Variants in AHCYL2 observed in about 807,000 individuals in gnomAD.
AHCYL2 encodes adenosylhomocysteinase like 2.
AHCYL2 carries 28 observed loss-of-function variants against 81.4 expected under a neutral mutation model. That is an observed-to-expected ratio of 0.34 (90% CI 0.25 to 0.47). The LOEUF (loss-of-function observed/expected upper bound fraction) is 0.47, where lower values mean the gene tolerates loss of function less well. Ranked by LOEUF, AHCYL2 falls within the 20% of genes least tolerant of loss-of-function variation. AHCYL2 has a pLI of 1.00. For synonymous variants in AHCYL2, 272 were observed against 290.2 expected (o/e 0.94, Z 0.64); for missense variants, 551 against 785.1 (o/e 0.70, Z 3.56).
At chr7:129,354,262 G>A (rs548214113) in intron 1 of AHCYL2, among the ~76,000 whole-genome samples, 62 of 152,262 alleles carry the variant, frequency 4.1e-4, no homozygotes, top group African/African-American at 1.0e-3. Flanking sequence ...AAAACAGGAG[G>A]GAGATAGGAG....
chr7:129,414,777 T>A (rs1183225856), intron 12 of AHCYL2, among the ~76,000 whole-genome samples: 1 of 152,164 alleles, frequency 6.6e-6, no homozygotes, highest in Non-Finnish European at 1.5e-5. Context: ...ACTTTTACTC[T>A]GGTTTTAAAT....
chr7:129,394,364 T>C (rs1795612911), intron 4 of AHCYL2, among the ~76,000 whole-genome samples: 1 of 151,712 alleles, frequency 6.6e-6, no homozygotes, highest in Non-Finnish European at 1.5e-5. Context: ...TGTCCTTGGA[T>C]GTGCCCGGTC....
chr7:129,310,118 T>C (rs1797600506), intron 1 of AHCYL2, among the ~76,000 whole-genome samples: 1 of 152,152 alleles, frequency 6.6e-6, no homozygotes. Context: ...CTCATCCACC[T>C]CCTTGGTGAC....
intron 1 of AHCYL2, among the ~76,000 whole-genome samples, chr7:129,245,156 C>G (rs117363487): frequency 0.013 from 2,007 of 151,948 alleles, 24 homozygotes; most frequent in Non-Finnish European, 0.021. Flanking sequence ...TCCCGAGTAC[C>G]TGGGATTATA....
intron 4 of AHCYL2, 121 bp from the exon 5 acceptor site, chr7:129,397,101 T>C (rs1795781860): frequency 1.2e-6 from 1 of 809,804 alleles, no homozygotes; most frequent in Non-Finnish European, 1.9e-6. Context: ...GAGCCCAATT[T>C]GAAAATCACT....
chr7:129,225,976 G>GT (rs1467249215), intron 1 of AHCYL2, among the ~76,000 whole-genome samples: 7 of 152,308 alleles, frequency 4.6e-5, no homozygotes, highest in African/African-American at 1.7e-4. Context: ...ACACGATGCT[G>GT]TGCCCTTCAT....
intron 2 of AHCYL2, among the ~76,000 whole-genome samples, chr7:129,388,524 A>G (rs934927776): frequency 6.6e-6 from 1 of 152,230 alleles, no homozygotes; most frequent in Non-Finnish European, 1.5e-5. Context: ...TTGGGTCTGC[A>G]GGCACAATTC....
At chr7:129,298,185 G>T (rs36033343) in intron 1 of AHCYL2, among the ~76,000 whole-genome samples, 3,751 of 152,280 alleles carry the variant, frequency 0.025, 77 homozygotes, top group Admixed American at 0.058. Context: ...CTTTTCTAAT[G>T]GCAAGAGAGG....
intron 12 of AHCYL2, among the ~76,000 whole-genome samples, chr7:129,421,845 A>C (rs1188067503): frequency 6.6e-6 from 1 of 152,168 alleles, no homozygotes; most frequent in African/African-American, 2.4e-5. Context: ...CTCACAGCCC[A>C]GTAAAGGAAT....
chr7:129,418,270 C>T (rs1260569044), intron 12 of AHCYL2, among the ~76,000 whole-genome samples: 1 of 151,968 alleles, frequency 6.6e-6, no homozygotes, highest in Non-Finnish European at 1.5e-5. Context: ...CAAAATCTGA[C>T]TTAGGTTTTT....
Position 129,397,996 on chromosome 7 carries a change from G to A in AHCYL2, c.823+672G>A, listed in dbSNP as rs535196853. Among the ~76,000 whole-genome samples, 27 of 152,110 alleles carry A rather than the reference G, an allele frequency of 1.8e-4. No homozygotes were observed. In the East Asian group the frequency reaches 4.8e-3, roughly 27 times the overall value. On this transcript the variant is annotated intron_variant, in intron 5 of 16. Coordinates refer to ENST00000325006, the MANE Select transcript of AHCYL2 (RefSeq NM_015328.4). The stretch of plus-strand genomic sequence containing the variant: ...GTGTACCCCAGTGAATTGTACATAC[G>A]CATTCATTTCTTTTCCTTTTTTTAA...
intron 1 of AHCYL2, among the ~76,000 whole-genome samples, chr7:129,284,155 TAATAAACGAA>T (rs1235776083): frequency 1.3e-5 from 2 of 152,156 alleles, no homozygotes; most frequent in African/African-American, 4.8e-5. Flanking sequence ...TTAGTGGAAG[TAATAAACGAA>T]AGAAAGTTAT....
chr7:129,247,336 A>G (rs930579723), intron 1 of AHCYL2, among the ~76,000 whole-genome samples: 1 of 152,194 alleles, frequency 6.6e-6, no homozygotes, highest in African/African-American at 2.4e-5. Context: ...GATGTTGAGC[A>G]TGTGCTTATT....
intron 1 of AHCYL2, among the ~76,000 whole-genome samples, chr7:129,340,499 C>T (rs1793137577): frequency 6.7e-6 from 1 of 148,690 alleles, no homozygotes; most frequent in South Asian, 2.1e-4. Flanking sequence ...ACTCGGGAGG[C>T]GGAACTTGCA....
rs1432680453 is a variant in AHCYL2 at position 129,250,361 on chromosome 7, T to A, written c.363+24922T>A. Among the ~76,000 whole-genome samples the A allele has an allele frequency of 2.0e-5, 3 of 152,350 alleles. No individual in the cohort carries two copies. The East Asian group carries it at 5.8e-4, about 29-fold the overall frequency. On this transcript the variant is annotated intron_variant, in intron 1 of 16. Coordinates refer to ENST00000325006, the MANE Select transcript of AHCYL2 (RefSeq NM_015328.4). ...TTTGGATATATACCTAAGAGTGGAA[T>A]TGCTTGATTACAGTTGATTATTGTG...
intron 1 of AHCYL2, among the ~76,000 whole-genome samples, chr7:129,299,381 T>G (rs1167154918): frequency 1.7e-3 from 63 of 37,586 alleles, no homozygotes; most frequent in Non-Finnish European, 2.8e-3. Flanking sequence ...TTTTTTTTTT[T>G]TTTTTTTTTT....
intron 4 of AHCYL2, among the ~76,000 whole-genome samples, chr7:129,393,741 C>T (rs1399978288): frequency 6.6e-6 from 1 of 152,170 alleles, no homozygotes; most frequent in Non-Finnish European, 1.5e-5. Context: ...ACATTCCATG[C>T]CCTACTCTTG....
intron 1 of AHCYL2, among the ~76,000 whole-genome samples, chr7:129,338,681 A>G (rs1793050426): frequency 6.6e-6 from 1 of 152,156 alleles, no homozygotes; most frequent in Admixed American, 6.5e-5. Flanking sequence ...TTCTCTTTCT[A>G]TGTAAACTGG....
chr7:129,249,112 T>C (rs541535718), intron 1 of AHCYL2, among the ~76,000 whole-genome samples: 1 of 150,886 alleles, frequency 6.6e-6, no homozygotes, highest in South Asian at 2.1e-4. Context: ...ATCCTCCTAC[T>C]GCAGCCCCCG....
Sources: allele counts gnomAD v4.1 joint callset (sites outside exome capture counted in the v4.1 genomes callset), GRCh38; gene constraint gnomAD v4.1.1; transcripts MANE v1.5; gene names NCBI Gene and HGNC (gene_info 2026-07-23, HGNC 2026-07-21).